Variants in TRAFD1 observed in about 807,000 individuals in gnomAD.
The protein encoded by TRAFD1 is TRAF-type zinc finger domain containing 1.
In TRAFD1, 38 loss-of-function variants were observed where a neutral mutation model predicts 65.3. The observed-to-expected ratio is 0.58, with a 90% CI of 0.45 to 0.76. The LOEUF (loss-of-function observed/expected upper bound fraction) is 0.76. TRAFD1 is among the 30% of genes least tolerant of loss of function. TRAFD1 has a pLI of 0.00. For synonymous variants in TRAFD1, 223 were observed against 257.2 expected, an observed-to-expected ratio of 0.87 and a Z score of 1.27; for missense variants, 631 against 712.6, an observed-to-expected ratio of 0.89 and a Z score of 1.30.
At chr12:112,128,466 A>G (rs1011300085) in intron 1 of TRAFD1, among the ~76,000 whole-genome samples, 2 of 152,220 alleles carry the variant, frequency 1.3e-5, no homozygotes, top group African/African-American at 4.8e-5. Flanking sequence ...AAACTAAACA[A>G]TGGTAGTAAA....
intron 7 of TRAFD1, 70 bp downstream of exon 7, chr12:112,145,732 A>C: frequency 7.1e-7 from 1 of 1,399,022 alleles, no homozygotes. Context: ...TGCAGGCCAC[A>C]TGAGGCCTTG....
In TRAFD1 at chr12:112,152,224, G is replaced by A. The variant is rs937754559; in HGVS notation, c.1619+84G>A. 113 of 1,484,218 alleles carry A rather than the reference G, an allele frequency of 7.6e-5. No individual in the cohort carries two copies. Among genetic ancestry groups the A allele is most frequent in the Admixed American group, 1.9e-5 (1 of 52,550 alleles). The allele number at this position is 1,484,218 out of a possible 1,614,324, so 91.9% of individuals were successfully genotyped here. On this transcript the variant is annotated intron_variant, in intron 10 of 11. Transcript: ENST00000412615. This position sits in a 1 kb window ranked among gnomAD's most constrained non-coding sequence, Gnocchi z 5.0. Reference sequence around the variant, plus strand: ...GGCCTGGTTACCCTTGCCAGGCCTGGGGTAAGACTGAGGTACTTGCATGGT... The same window carrying A: ...GGCCTGGTTACCCTTGCCAGGCCTGAGGTAAGACTGAGGTACTTGCATGGT...
rs2293433 is a variant in TRAFD1, at chr12:112,149,921, C to T, written c.1279+50C>T. The T allele has an allele frequency of 5.7e-4, 914 of 1,607,210 alleles. 4 individuals carry two copies. In the East Asian group the frequency reaches 0.016, roughly 28 times the overall value. On this transcript the variant is annotated intron_variant, in intron 9 of 11. Transcript: ENST00000412615. ...AAGGCCGCAGGTCTACTGCTGGCTC[C>T]GGCCTGTTTACCACTTCCCATCCAC...
chr12:112,141,520 T>G, intron 5 of TRAFD1: 1 of 320,912 alleles, frequency 3.1e-6, no homozygotes, highest in East Asian at 6.0e-5. Context: ...AGTATTTGCA[T>G]TATATATACT....
chr12:112,128,502 T>C (rs967183413), intron 1 of TRAFD1, among the ~76,000 whole-genome samples: 2 of 152,174 alleles, frequency 1.3e-5, no homozygotes, highest in Non-Finnish European at 2.9e-5. Context: ...CTTTCTGCAT[T>C]GACATCTTGT....
At position 112,140,832 on chromosome 12, in the gene TRAFD1, C is replaced by T. The variant is rs1417966741; in HGVS notation, c.251C>T (p.Pro84Leu). 2 of 1,613,986 alleles carry T rather than the reference C, an allele frequency of 1.2e-6. No individual in the cohort carries two copies. The highest frequency in any genetic ancestry group is 1.7e-6 in the Non-Finnish European group (2 of 1,179,886). Residue 84 changes from proline (P) to leucine (L), a missense_variant, in exon 5 of 12, where the codon CCT (proline) becomes CTT (leucine). Pro to Leu is a moderately conservative substitution (Grantham distance 98). Transcript: ENST00000412615. ...TCTGTTTTGTAGGAGACTGAGTGCCCTTTGCGGCTTGCTGTCTGCCAGCAC... is the reference window on the plus strand; with the variant it reads ...TCTGTTTTGTAGGAGACTGAGTGCCTTTTGCGGCTTGCTGTCTGCCAGCAC... ...LLKKHEETEC[P>L]LRLAVCQHCD...
Position 112,137,898 on chromosome 12 carries a change from C to T in TRAFD1, c.237+2832C>T, listed in dbSNP as rs2029967139. On this transcript the variant is annotated intron_variant, in intron 4 of 11. Transcript: ENST00000412615. This position sits in a 1 kb window ranked among gnomAD's most constrained non-coding sequence, Gnocchi z 4.2. ...GATTTGTGCATTTCATTCTGTGTGC[C>T]TCAAACTGTAACAACTTGATTTTAT... Among the ~76,000 whole-genome samples, 1 of 152,058 alleles carries T rather than the reference C, an allele frequency of 6.6e-6. No homozygotes were observed. Among genetic ancestry groups the T allele is most frequent in the Non-Finnish European group, 1.5e-5 (1 of 68,014 alleles).
At chr12:112,143,856 C>T (rs960527541) in intron 6 of TRAFD1, among the ~76,000 whole-genome samples, 2 of 151,390 alleles carry the variant, frequency 1.3e-5, no homozygotes, top group East Asian at 3.9e-4. Context: ...CTTCAGTCTC[C>T]GATGTAGCTG....
intron 7 of TRAFD1, 102 bp downstream of exon 7, chr12:112,145,764 GC>G: frequency 1.0e-6 from 1 of 984,420 alleles, no homozygotes; most frequent in Non-Finnish European, 1.6e-6. Flanking sequence ...TTAATACAAT[GC>G]CCATAGTAGG....
rs2030427249 is a variant in TRAFD1, at chr12:112,152,119, C to T, written c.1598C>T (p.Pro533Leu). ...ENIVPSFSPG[P>L]SGRYGASGRS... ...ATTGTGCCCTCTTTCTCCCCTGGGC[C>T]TTCAGGGAGATACGGAGCTAGGTAA... The change falls in exon 10 of 12, where the codon CCT (proline) becomes CTT (leucine). Residue 533 changes from proline to leucine, a missense_variant. Pro to Leu is a moderately conservative substitution (Grantham distance 98). Coordinates refer to ENST00000412615, the MANE Select transcript of TRAFD1 (RefSeq NM_006700.3). The surrounding 1 kb of genome is among the most constrained non-coding windows in gnomAD (Gnocchi z 5.0). 1 of 1,612,980 alleles carries T rather than the reference C, an allele frequency of 6.2e-7. No individual in the cohort carries two copies. Among genetic ancestry groups the T allele is most frequent in the Non-Finnish European group, 8.5e-7 (1 of 1,179,150 alleles).
chr12:112,146,763 T>G (rs561974309), intron 7 of TRAFD1, among the ~76,000 whole-genome samples: 1 of 152,166 alleles, frequency 6.6e-6, no homozygotes, highest in Admixed American at 6.6e-5. Context: ...ACCTCTCTTA[T>G]AGTTTGTCAC....
At position 112,151,874 on chromosome 12, in the gene TRAFD1, C is replaced by T. The variant is rs970093062; in HGVS notation, c.1353C>T (p.Pro451=). The T allele has an allele frequency of 2.5e-6, 4 of 1,614,202 alleles. No homozygotes were observed. The highest frequency in any genetic ancestry group is 2.2e-5 in the East Asian group (1 of 44,882). ...TANGPTSCLP[P]SRPINNMTAT... is the part of the protein sequence containing the mutation. ...ATGGGCCCACCTCCTGTCTGCCTCC[C>T]AGCCGACCCATTAACAATATGACAG... The change falls in exon 10 of 12, where the codon CCC becomes CCT. Residue 451 remains proline, a synonymous_variant. Coordinates refer to ENST00000412615, the MANE Select transcript of TRAFD1 (RefSeq NM_006700.3).
At chr12:112,127,816 C>T (rs1273076605) in intron 1 of TRAFD1, among the ~76,000 whole-genome samples, 1 of 151,844 alleles carries the variant, frequency 6.6e-6, no homozygotes, top group Non-Finnish European at 1.5e-5. Context: ...CCTTGTGATC[C>T]ACCTGTCTCG....
At chr12:112,145,400 A>G (rs2030210514) in intron 6 of TRAFD1, among the ~76,000 whole-genome samples, 186 bp from the exon 7 acceptor site, 1 of 152,102 alleles carries the variant, frequency 6.6e-6, no homozygotes, top group African/African-American at 2.4e-5. Flanking sequence ...TTGTCATGGA[A>G]GTTTTGGCCT....
At chr12:112,126,296 C>A (rs1224322999) in intron 1 of TRAFD1, 1 of 152,210 alleles carries the variant, frequency 6.6e-6, no homozygotes, top group Non-Finnish European at 1.5e-5. Flanking sequence ...GGCAGAGGGA[C>A]GGTCCCCTCT....
intron 2 of TRAFD1, among the ~76,000 whole-genome samples, chr12:112,132,924 GTATTT>G (rs2136969827): frequency 6.6e-6 from 1 of 152,276 alleles, no homozygotes. Flanking sequence ...ATCCTGTTCA[GTATTT>G]TATTTTTCTG....
chr12:112,128,765 G>A (rs1473725521), intron 1 of TRAFD1, among the ~76,000 whole-genome samples: 3 of 152,014 alleles, frequency 2.0e-5, no homozygotes, highest in African/African-American at 4.8e-5. Flanking sequence ...GGCTGGGCAC[G>A]GTGACTCATG....
At position 112,152,185 on chromosome 12, in the gene TRAFD1, C is replaced by T. The variant is rs750451952; in HGVS notation, c.1619+45C>T. 22 of 1,568,772 alleles carry T rather than the reference C, an allele frequency of 1.4e-5. No homozygotes were observed. The highest frequency in any genetic ancestry group is 1.1e-4 in the African/African-American group (8 of 73,932). Reference sequence around the variant, plus strand: ...GAATGGGGCTTGGGAGTAGCTGAAGCGAACATGGGCAAAGGCCTGGTTACC... The same window carrying T: ...GAATGGGGCTTGGGAGTAGCTGAAGTGAACATGGGCAAAGGCCTGGTTACC... On this transcript the variant is annotated intron_variant, in intron 10 of 11. Transcript: ENST00000412615. The surrounding 1 kb of genome is among the most constrained non-coding windows in gnomAD (Gnocchi z 5.0).
At chr12:112,134,609 G>C in intron 2 of TRAFD1, 129 bp from the exon 3 acceptor site, 2 of 1,081,046 alleles carry the variant, frequency 1.9e-6, no homozygotes, top group East Asian at 2.4e-5. Context: ...TTGTAGGCTA[G>C]GTATTCACTA....
Sources: allele counts gnomAD v4.1 joint callset (sites outside exome capture counted in the v4.1 genomes callset), GRCh38; gene constraint gnomAD v4.1.1; non-coding constraint Gnocchi (gnomAD v3.1); transcripts MANE v1.5; gene names NCBI Gene and HGNC (gene_info 2026-07-23, HGNC 2026-07-21).